The following DNAH8 variants were observed in gnomAD, a reference collection of about 807,000 sequenced individuals.
DNAH8 encodes axonemal beta dynein heavy chain 8.
In DNAH8, 382 loss-of-function variants were observed where a neutral mutation model predicts 562.1. The ratio of observed to expected loss-of-function variants is 0.68; its 90% CI spans 0.63 to 0.74. The LOEUF (loss-of-function observed/expected upper bound fraction) is 0.74. Ranked by LOEUF, DNAH8 falls within the 30% of genes least tolerant of loss-of-function variation. DNAH8 has a pLI of 0.00. For synonymous variants in DNAH8, 1,881 were observed against 1,919.4 expected (o/e 0.98, Z 0.52); for missense variants, 5,203 against 5,620.4 (o/e 0.93, Z 2.37).
intron 9 of DNAH8, among the ~76,000 whole-genome samples, chr6:38,753,559 A>G (rs1007019302): frequency 6.6e-6 from 1 of 152,190 alleles, no homozygotes; most frequent in African/African-American, 2.4e-5. Context: ...GTAGGTGGTC[A>G]TTATATTTTT....
Position 38,872,519 on chromosome 6 carries a change from A to G in DNAH8, c.6991-17A>G, listed in dbSNP as rs1314370946. On this transcript the variant is annotated splice_polypyrimidine_tract_variant and intron_variant, in intron 49 of 92. Coordinates refer to ENST00000327475, the MANE Select transcript of DNAH8 (RefSeq NM_001206927.2). ...ACTCATAAATTACATATTTTAATTT[A>G]CTGGTTAATTGTGTAGTTATATGAG... 1.2e-6 allele frequency: 2 copies of G among 1,602,468 alleles called. No homozygotes were observed. The highest frequency in any genetic ancestry group is 2.7e-5 in the African/African-American group (2 of 74,410).
intron 44 of DNAH8, 51 bp from the exon 45 acceptor site, chr6:38,863,822 G>C (rs760747772): frequency 1.4e-6 from 2 of 1,422,922 alleles, no homozygotes; most frequent in Middle Eastern, 1.8e-4. Context: ...TTGTTATCAA[G>C]AAGGTATATT....
Position 38,725,304 on chromosome 6 carries a change from TATAATAATA to T in DNAH8, c.525+1859_525+1867del, listed in dbSNP as rs10526350. 3.1e-3 allele frequency among the ~76,000 whole-genome samples: 413 copies of T among 135,382 alleles called. 3 individuals carry two copies. Among genetic ancestry groups the T allele is most frequent in the African/African-American group, 0.011 (397 of 36,034 alleles). 88.8% of individuals were successfully genotyped at this position (135,382 alleles called of 152,430 possible). ...GGCGATAGAGTGAGACTCCAACTCA[TATAATAATA>T]ATAATAATAATAATAATAATAATAA... On this transcript the variant is annotated intron_variant, in intron 3 of 92. Coordinates refer to ENST00000327475, the MANE Select transcript of DNAH8 (RefSeq NM_001206927.2).
chr6:38,796,413 T>C (rs1770252176), intron 21 of DNAH8, among the ~76,000 whole-genome samples: 1 of 152,118 alleles, frequency 6.6e-6, no homozygotes, highest in African/African-American at 2.4e-5. Context: ...TCAGTGTCCC[T>C]GTAAGCATTT....
intron 3 of DNAH8, among the ~76,000 whole-genome samples, chr6:38,728,948 A>G (rs950425322): frequency 1.3e-5 from 2 of 152,170 alleles, no homozygotes; most frequent in African/African-American, 4.8e-5. Flanking sequence ...GCTAATACCT[A>G]TAATCCCGGC....
In DNAH8 at chr6:38,852,600, C is replaced by A. The variant is rs549255652; in HGVS notation, c.5467-94C>A. 3.5e-6 allele frequency: 3 copies of A among 865,130 alleles called. No homozygotes were observed. In the African/African-American group the frequency reaches 5.2e-5, roughly 15 times the overall value. The allele number at this position is 865,130 out of a possible 1,614,324, so 53.6% of individuals were successfully genotyped here. ...TTGAGACAATAAAGTAAATACTTAA[C>A]CTTTTAAAAAGATACAAAATATTAA... On this transcript the variant is annotated intron_variant, in intron 39 of 92. Coordinates refer to ENST00000327475, the MANE Select transcript of DNAH8 (RefSeq NM_001206927.2).
intron 88 of DNAH8, among the ~76,000 whole-genome samples, chr6:39,000,900 G>A (rs1297561758): frequency 6.6e-6 from 1 of 152,164 alleles, no homozygotes; most frequent in Non-Finnish European, 1.5e-5. Flanking sequence ...GATTGGAGAT[G>A]AGGTGGGAAG....
chr6:38,976,157 A>G (rs551710322), intron 85 of DNAH8, among the ~76,000 whole-genome samples: 32 of 152,362 alleles, frequency 2.1e-4, no homozygotes, highest in African/African-American at 7.2e-4. Flanking sequence ...ACACTTCACT[A>G]AGAGTCAGGA....
chr6:38,835,372 T>A (rs1453137136), intron 32 of DNAH8, among the ~76,000 whole-genome samples: 1 of 151,214 alleles, frequency 6.6e-6, no homozygotes, highest in Non-Finnish European at 1.5e-5. Flanking sequence ...CAGGAGAAAT[T>A]TGATGAAGAA....
intron 88 of DNAH8, among the ~76,000 whole-genome samples, chr6:38,997,590 GGTGAAAGA>G (rs1765222310): frequency 1.3e-5 from 2 of 152,120 alleles, no homozygotes; most frequent in African/African-American, 4.8e-5. Flanking sequence ...CTGGAGCCCA[GGTGAAAGA>G]TTTGAATGCA....
intron 58 of DNAH8, among the ~76,000 whole-genome samples, chr6:38,892,079 A>G (rs878919197): frequency 1.3e-5 from 2 of 152,048 alleles, no homozygotes; most frequent in Admixed American, 1.3e-4. Flanking sequence ...GGGTCCCCAT[A>G]GTCTTGATTT....
chr6:39,013,714 G>A (rs1766379429), intron 91 of DNAH8, among the ~76,000 whole-genome samples: 1 of 152,170 alleles, frequency 6.6e-6, no homozygotes, highest in Non-Finnish European at 1.5e-5. Context: ...AGCTGGGTGT[G>A]GTGGCATGTG....
intron 53 of DNAH8, among the ~76,000 whole-genome samples, chr6:38,878,014 G>T (rs886876236): frequency 1.2e-4 from 19 of 152,212 alleles, no homozygotes; most frequent in Admixed American, 2.6e-4. Context: ...GAAGGCAGAG[G>T]TTGATTTGGG....
intron 80 of DNAH8, among the ~76,000 whole-genome samples, chr6:38,948,706 G>A (rs1244431326): frequency 3.9e-5 from 6 of 152,108 alleles, no homozygotes; most frequent in Non-Finnish European, 7.4e-5. Context: ...GCAGGGATAG[G>A]CTCAATAATC....
In DNAH8 at chr6:38,826,653, T is replaced by C. The variant is rs1307708953; in HGVS notation, c.4083+262T>C. 2.0e-5 allele frequency among the ~76,000 whole-genome samples: 3 copies of C among 152,310 alleles called. 1 individual carries two copies. In the East Asian group the frequency reaches 5.8e-4, roughly 29 times the overall value. ...GGGGTAGGTAGTGTTTAATTTTTGA[T>C]ACTGGCACCAACATTTTGTGGAAAG... On this transcript the variant is annotated intron_variant, in intron 29 of 92. Transcript: ENST00000327475.
At chr6:38,987,106 G>C (rs368709498) in intron 87 of DNAH8, among the ~76,000 whole-genome samples, 9 of 152,340 alleles carry the variant, frequency 5.9e-5, no homozygotes, top group East Asian at 3.9e-4. Context: ...TGGAGCTCAG[G>C]CATGGAGATA....
rs761338387 is a variant in DNAH8, at chr6:38,883,374, C to T, written c.8054C>T (p.Ala2685Val). 2 of 1,613,088 alleles carry T rather than the reference C, an allele frequency of 1.2e-6. No homozygotes were observed. Among genetic ancestry groups the T allele is most frequent in the South Asian group, 2.2e-5 (2 of 90,918 alleles). Residue 2685 changes from alanine (A) to valine (V), a missense_variant, in exon 55 of 93, where the codon GCC (alanine) becomes GTC (valine). By Grantham distance (64) the Ala-to-Val change is moderately conservative. Around this residue, in one of 6 missense-constraint regions of DNAH8, gnomAD observed 977 missense variants for 1,061.8 expected, o/e 0.92. Transcript: ENST00000327475. ...QGTAKTVMVK[A>V]YLKKYDPEVQ... ...ACTGCAAAAACTGTCATGGTTAAGG[C>T]CTATTTGAAAAAATATGATCCTGAA...
At chr6:39,005,667 T>C (rs995959351) in intron 88 of DNAH8, among the ~76,000 whole-genome samples, 9 of 152,224 alleles carry the variant, frequency 5.9e-5, no homozygotes, top group Admixed American at 2.6e-4. Context: ...ATTCAAATAT[T>C]TTTTCTTGCC....
intron 85 of DNAH8, among the ~76,000 whole-genome samples, 178 bp downstream of exon 85, chr6:38,974,707 C>T (rs1561932734): frequency 2.0e-5 from 3 of 152,096 alleles, no homozygotes; most frequent in Admixed American, 2.0e-4. Context: ...TTGTGTGTGC[C>T]CCCTGCCCCA....
Sources: allele counts gnomAD v4.1 joint callset (sites outside exome capture counted in the v4.1 genomes callset), GRCh38; gene constraint gnomAD v4.1.1; regional missense constraint gnomAD v4.1.1; transcripts MANE v1.5; gene names NCBI Gene and HGNC (gene_info 2026-07-23, HGNC 2026-07-21).